Variants in SERPINI1 observed in about 807,000 individuals in gnomAD.
SERPINI1 encodes the protein serpin family I member 1, also known as neuroserpin.
Under a neutral mutation model 41.1 loss-of-function variants are expected in SERPINI1, and 19 were observed. The ratio of observed to expected loss-of-function variants is 0.46; its 90% CI spans 0.32 to 0.68. SERPINI1 has a LOEUF of 0.68. Ranked by LOEUF, SERPINI1 falls within the 30% of genes least tolerant of loss-of-function variation. The probability of loss-of-function intolerance (pLI) is 0.03; values close to 1 mark genes in which losing one functional copy is unlikely to be tolerated. For missense variants in SERPINI1, 460 were observed against 479.2 expected (o/e 0.96, Z 0.37); for synonymous variants, 138 against 156.6 (o/e 0.88, Z 0.89).
intron 1 of SERPINI1, among the ~76,000 whole-genome samples, chr3:167,786,277 C>T (rs992751413): frequency 9.2e-5 from 14 of 151,668 alleles, no homozygotes; most frequent in Admixed American, 4.6e-4. Flanking sequence ...CCAAGGCGGG[C>T]GGATCACTTG....
intron 6 of SERPINI1, among the ~76,000 whole-genome samples, chr3:167,813,524 C>T (rs1003107203): frequency 5.9e-5 from 9 of 152,110 alleles, no homozygotes; most frequent in Admixed American, 5.9e-4. Flanking sequence ...GTCCATCTTG[C>T]CTTCTCTGAC....
chr3:167,758,327 A>T (rs1476382401), intron 1 of SERPINI1, among the ~76,000 whole-genome samples: 1 of 152,230 alleles, frequency 6.6e-6, no homozygotes, highest in Non-Finnish European at 1.5e-5. Flanking sequence ...GGACAATTTG[A>T]AAAATAAGTA....
intron 6 of SERPINI1, among the ~76,000 whole-genome samples, chr3:167,814,108 AC>A (rs1331447846): frequency 6.6e-6 from 1 of 152,210 alleles, no homozygotes; most frequent in Non-Finnish European, 1.5e-5. Flanking sequence ...CCAGTCACTA[AC>A]CAACATATCA....
At chr3:167,811,094 C>T (rs1313494046) in intron 6 of SERPINI1, among the ~76,000 whole-genome samples, 1 of 151,940 alleles carries the variant, frequency 6.6e-6, no homozygotes, top group East Asian at 1.9e-4. Context: ...AATTTTGAAA[C>T]TGTCAGTTAT....
intron 1 of SERPINI1, among the ~76,000 whole-genome samples, chr3:167,757,425 A>T (rs1484597678): frequency 6.6e-6 from 1 of 152,174 alleles, no homozygotes; most frequent in Non-Finnish European, 1.5e-5. Flanking sequence ...CTGTTATACA[A>T]ATCATAATGA....
intron 1 of SERPINI1, among the ~76,000 whole-genome samples, chr3:167,744,711 A>G (rs1390075833): frequency 7.7e-6 from 1 of 130,430 alleles, no homozygotes; most frequent in South Asian, 2.1e-4. Context: ...TATATATAAA[A>G]TATATATAAA....
intron 2 of SERPINI1, among the ~76,000 whole-genome samples, 174 bp downstream of exon 2, chr3:167,789,552 C>T (rs1727429335): frequency 6.6e-6 from 1 of 152,170 alleles, no homozygotes; most frequent in Non-Finnish European, 1.5e-5. Context: ...CCTGATTCCA[C>T]TTCTGGCTGA....
chr3:167,821,549 G>A (rs1195483028), intron 6 of SERPINI1, among the ~76,000 whole-genome samples: 2 of 152,080 alleles, frequency 1.3e-5, no homozygotes, highest in South Asian at 2.1e-4. Context: ...CCCCATGCTC[G>A]CTCACTCACA....
chr3:167,820,774 T>A (rs931567863), intron 6 of SERPINI1, among the ~76,000 whole-genome samples: 1 of 150,942 alleles, frequency 6.6e-6, no homozygotes, highest in African/African-American at 2.4e-5. Flanking sequence ...AAGGGGAGGG[T>A]CCCCAGTGAA....
chr3:167,748,664 T>C (rs79207242), intron 1 of SERPINI1, among the ~76,000 whole-genome samples: 11,428 of 152,080 alleles, frequency 0.075, 579 homozygotes, highest in Middle Eastern at 0.2. Flanking sequence ...AATTTGAGTA[T>C]GAAATCAACT....
At chr3:167,742,590 C>T (rs530406164) in intron 1 of SERPINI1, among the ~76,000 whole-genome samples, 12 of 152,202 alleles carry the variant, frequency 7.9e-5, no homozygotes, top group African/African-American at 2.9e-4. Flanking sequence ...CAAAGATCCC[C>T]GGCAGATGTC....
intron 1 of SERPINI1, among the ~76,000 whole-genome samples, chr3:167,780,658 A>T (rs1432914017): frequency 6.6e-6 from 1 of 152,126 alleles, no homozygotes; most frequent in Non-Finnish European, 1.5e-5. Flanking sequence ...TTTACAAGAG[A>T]ATCACTTGGT....
At chr3:167,823,941 C>T (rs1040760672) in intron 7 of SERPINI1, among the ~76,000 whole-genome samples, 12 of 152,168 alleles carry the variant, frequency 7.9e-5, no homozygotes, top group African/African-American at 2.9e-4. Context: ...TAGGATACCT[C>T]GTTGTATCTC....
At chr3:167,822,460 A>G (rs186038396) in intron 6 of SERPINI1, among the ~76,000 whole-genome samples, 230 of 152,312 alleles carry the variant, frequency 1.5e-3, no homozygotes, top group Non-Finnish European at 2.6e-3. Context: ...AGATAAACCA[A>G]TTAATTGTAA....
chr3:167,772,899 C>T (rs975364358), intron 1 of SERPINI1, among the ~76,000 whole-genome samples: 4,507 of 45,328 alleles, frequency 0.099, 128 homozygotes, highest in African/African-American at 0.15. Context: ...TATATACACA[C>T]ACACACACAC....
intron 5 of SERPINI1, among the ~76,000 whole-genome samples, chr3:167,805,482 T>C (rs1174059268): frequency 9.9e-5 from 15 of 152,226 alleles, no homozygotes; most frequent in Admixed American, 9.8e-4. Context: ...TCTCCCATTC[T>C]GTAGGCTGCT....
chr3:167,757,867 C>T (rs528178171), intron 1 of SERPINI1, among the ~76,000 whole-genome samples: 32 of 152,098 alleles, frequency 2.1e-4, no homozygotes, highest in Non-Finnish European at 3.2e-4. Flanking sequence ...TGCAGTGAGC[C>T]GAGATCACGC....
chr3:167,807,366 A>T, intron 6 of SERPINI1, 25 bp downstream of exon 6: 1 of 1,376,958 alleles, frequency 7.3e-7, no homozygotes, highest in Non-Finnish European at 1.0e-6. Flanking sequence ...CAAATTTTTA[A>T]AAATGTTATT....
chr3:167,790,261 C>G (rs984066758), intron 2 of SERPINI1, 111 bp from the exon 3 acceptor site: 3 of 765,160 alleles, frequency 3.9e-6, no homozygotes, highest in Non-Finnish European at 6.9e-6. Context: ...CACTTTTCCC[C>G]CAGGTGCCTG....
Sources: allele counts gnomAD v4.1 joint callset (sites outside exome capture counted in the v4.1 genomes callset), GRCh38; gene constraint gnomAD v4.1.1; transcripts MANE v1.5; gene names NCBI Gene and HGNC (gene_info 2026-07-23, HGNC 2026-07-21).